APLP2: variants seen among roughly 807,000 people sequenced by gnomAD.
APLP2 encodes CDEI box-binding protein.
Under a neutral mutation model 89.9 loss-of-function variants are expected in APLP2, and 53 were observed. The observed-to-expected ratio is 0.59, with a 90% CI of 0.47 to 0.74. The LOEUF is 0.74. APLP2 is among the 30% of genes least tolerant of loss of function. The probability of loss-of-function intolerance (pLI) is 0.00; values close to 1 mark genes in which losing one functional copy is unlikely to be tolerated. For missense variants in APLP2, 973 were observed against 975.9 expected, an observed-to-expected ratio of 1.00 and a Z score of 0.04; for synonymous variants, 372 against 348.6, an observed-to-expected ratio of 1.07 and a Z score of -0.75.
At chr11:130,118,490 T>A (rs1949470063) in intron 3 of APLP2, among the ~76,000 whole-genome samples, 1 of 152,192 alleles carries the variant, frequency 6.6e-6, no homozygotes, top group Non-Finnish European at 1.5e-5. Context: ...GTGCTGAGAT[T>A]GAACCCTAGC....
chr11:130,082,089 T>C (rs1332673461), intron 1 of APLP2, among the ~76,000 whole-genome samples: 1 of 152,246 alleles, frequency 6.6e-6, no homozygotes, highest in Non-Finnish European at 1.5e-5. Context: ...AGAAACTTCT[T>C]CTGTTGGAGA....
At chr11:130,127,078 T>TA (rs2136003562) in intron 8 of APLP2, among the ~76,000 whole-genome samples, 1 of 151,908 alleles carries the variant, frequency 6.6e-6, no homozygotes, top group Non-Finnish European at 1.5e-5. Context: ...TTTTTTTTTT[T>TA]TTTGCCATTA....
intron 1 of APLP2, among the ~76,000 whole-genome samples, chr11:130,075,911 CA>C (rs11349245): frequency 0.039 from 5,969 of 152,210 alleles, 383 homozygotes; most frequent in African/African-American, 0.13. Context: ...TAATTTCATA[CA>C]AGTTGTGATA....
intron 1 of APLP2, among the ~76,000 whole-genome samples, chr11:130,105,427 G>A (rs1947548185): frequency 4.6e-5 from 7 of 152,116 alleles, no homozygotes; most frequent in Admixed American, 4.6e-4. Flanking sequence ...AAAAAAAAGG[G>A]TGGGGGCATC....
chr11:130,135,774 T>C (rs2136096420), intron 13 of APLP2, 59 bp downstream of exon 13: 1 of 1,594,836 alleles, frequency 6.3e-7, no homozygotes, highest in Admixed American at 1.7e-5. Flanking sequence ...ATGAGAGAAT[T>C]GAAGTCAGTT....
intron 1 of APLP2, among the ~76,000 whole-genome samples, chr11:130,073,223 A>T (rs1396607745): frequency 2.0e-5 from 3 of 152,232 alleles, no homozygotes; most frequent in Non-Finnish European, 4.4e-5. Context: ...TGTATTGACT[A>T]AATTGAAACA....
rs1433634925 is a variant in APLP2 at position 130,073,831 on chromosome 11, C to A, written c.105+3749C>A. Among the ~76,000 whole-genome samples the A allele has an allele frequency of 2.0e-5, 3 of 152,080 alleles. No individual in the cohort carries two copies. In the East Asian group the frequency reaches 5.8e-4, roughly 29 times the overall value. On this transcript the variant is annotated intron_variant, in intron 1 of 16. Coordinates refer to ENST00000338167, the MANE Select transcript of APLP2 (RefSeq NM_001142276.2). The stretch of plus-strand genomic sequence containing the variant: ...TGGGCAACAGAGCGAGACTCCATCT[C>A]AAGAAAACAAGAATAAAAAAAAGAA...
At chr11:130,121,116 G>T (rs150010457) in intron 4 of APLP2, among the ~76,000 whole-genome samples, 51 of 152,274 alleles carry the variant, frequency 3.3e-4, no homozygotes, top group African/African-American at 1.2e-3. Context: ...CCCTAAGGCC[G>T]GCATGGAAAT....
At chr11:130,138,129 C>T (rs1469132899) in intron 13 of APLP2, among the ~76,000 whole-genome samples, 2 of 152,174 alleles carry the variant, frequency 1.3e-5, no homozygotes, top group African/African-American at 4.8e-5. Context: ...GTGGGTGGCC[C>T]AGTCATTGTG....
chr11:130,073,143 A>G (rs1197432447), intron 1 of APLP2, among the ~76,000 whole-genome samples: 1 of 152,218 alleles, frequency 6.6e-6, no homozygotes, highest in Non-Finnish European at 1.5e-5. Context: ...CTGAATTGAG[A>G]TGTACTGGAA....
chr11:130,135,625 C>T lies in APLP2; in HGVS notation c.1747C>T (p.Pro583Ser). The change falls in exon 13 of 17, where the codon CCT becomes TCT. Residue 583 changes from proline (P) to serine (S), a missense_variant. Pro to Ser is a moderately conservative substitution (Grantham distance 74, BLOSUM62 -1). Transcript: ENST00000338167. The stretch of plus-strand genomic sequence containing the variant: ...GTTCACTGCCTCAATCTCAGAGACC[C>T]CTGTGGACGTCCGGGTGAGCTCTGA... ...DQFTASISETPVDVRVSSEES... is the reference protein window; with the variant it reads ...DQFTASISETSVDVRVSSEES... 5 of 1,614,154 alleles carry T rather than the reference C, an allele frequency of 3.1e-6. No homozygotes were observed. Among genetic ancestry groups the T allele is most frequent in the Non-Finnish European group, 4.2e-6 (5 of 1,180,020 alleles).
At chr11:130,111,255 G>C (rs73585118) in intron 3 of APLP2, among the ~76,000 whole-genome samples, 8,843 of 152,156 alleles carry the variant, frequency 0.058, 667 homozygotes, top group East Asian at 0.24. Flanking sequence ...TGCAGAAACA[G>C]AGTTGTTGCT....
rs1166476431 is a variant in APLP2 at position 130,123,745 on chromosome 11, TG to T, written c.1057del (p.Glu353ArgfsTer11). 2 of 1,614,254 alleles carry T rather than the reference TG, an allele frequency of 1.2e-6. No homozygotes were observed. Among genetic ancestry groups the T allele is most frequent in the Non-Finnish European group, 1.7e-6 (2 of 1,180,038 alleles). On this transcript the variant is annotated frameshift_variant, in exon 7 of 17. Transcript: ENST00000338167. LOFTEE classifies it high-confidence loss of function. The surrounding 1 kb of genome is among the most constrained non-coding windows in gnomAD (Gnocchi z 4.0). Reference protein sequence around the residue: ...CGGNRNNFESEDYCMAVCKAM... With the variant: ...CGGNRNNFESXDYCMAVCKAM... ...GCGGCAACAGGAACAATTTTGAGTCTGAGGATTATTGTATGGCTGTGTGTAA... is the reference window on the plus strand; with the variant it reads ...GCGGCAACAGGAACAATTTTGAGTCTAGGATTATTGTATGGCTGTGTGTAA...
At chr11:130,089,501 G>C (rs552855845) in intron 1 of APLP2, among the ~76,000 whole-genome samples, 1 of 152,240 alleles carries the variant, frequency 6.6e-6, no homozygotes, top group East Asian at 1.9e-4. Context: ...CATTCACAGC[G>C]TGCACCTTAC....
intron 6 of APLP2, among the ~76,000 whole-genome samples, chr11:130,122,758 C>G: frequency 6.6e-6 from 1 of 152,160 alleles, no homozygotes; most frequent in East Asian, 1.9e-4. Flanking sequence ...GTAAGAGAGA[C>G]AACGTAGTCC....
In APLP2 at chr11:130,143,684, T is replaced by A. The variant is rs770850763; in HGVS notation, c.*236T>A. On this transcript the variant is annotated 3_prime_UTR_variant, in exon 17 of 17. Coordinates refer to ENST00000338167, the MANE Select transcript of APLP2 (RefSeq NM_001142276.2). ...TATAAACCTTAAATGAAAAAAATGA[T>A]CTATTGCAGATATTTGATGTAGTTT... is the stretch of plus-strand genomic sequence containing the variant. 1.2e-5 allele frequency: 5 copies of A among 429,574 alleles called. No individual in the cohort carries two copies. Among genetic ancestry groups the A allele is most frequent in the Admixed American group, 3.8e-5 (1 of 26,174 alleles). 26.6% of individuals were successfully genotyped at this position (429,574 alleles called of 1,614,324 possible).
chr11:130,124,537 C>T (rs1036405125), intron 7 of APLP2, among the ~76,000 whole-genome samples: 1 of 152,206 alleles, frequency 6.6e-6, no homozygotes, highest in Non-Finnish European at 1.5e-5. Context: ...CCTTCAGTCT[C>T]TCACCTTGCA....
In APLP2 at chr11:130,123,753, A is replaced by G. The variant is rs1319615568; in HGVS notation, c.1064A>G (p.Tyr355Cys). ...AGGAACAATTTTGAGTCTGAGGATTATTGTATGGCTGTGTGTAAAGCGATG... is the reference window on the plus strand; with the variant it reads ...AGGAACAATTTTGAGTCTGAGGATTGTTGTATGGCTGTGTGTAAAGCGATG... ...GNRNNFESED[Y>C]CMAVCKAMIP... is the part of the protein sequence containing the mutation. The change falls in exon 7 of 17, where the codon TAT becomes TGT. Residue 355 changes from tyrosine to cysteine, a missense_variant. By Grantham distance (194) the Tyr-to-Cys change is radical. Transcript: ENST00000338167. The surrounding 1 kb of genome is among the most constrained non-coding windows in gnomAD (Gnocchi z 4.0). 3.3e-5 allele frequency: 54 copies of G among 1,614,204 alleles called. No individual in the cohort carries two copies. Among genetic ancestry groups the G allele is most frequent in the Non-Finnish European group, 4.6e-5 (54 of 1,180,040 alleles).
intron 10 of APLP2, among the ~76,000 whole-genome samples, 164 bp downstream of exon 10, chr11:130,129,370 G>A (rs745423767): frequency 4.6e-5 from 7 of 152,202 alleles, no homozygotes; most frequent in Non-Finnish European, 8.8e-5. Context: ...TAATATCTGT[G>A]TATATAAGCT....
Sources: allele counts gnomAD v4.1 joint callset (sites outside exome capture counted in the v4.1 genomes callset), GRCh38; gene constraint gnomAD v4.1.1; non-coding constraint Gnocchi (gnomAD v3.1); transcripts MANE v1.5; gene names NCBI Gene and HGNC (gene_info 2026-07-23, HGNC 2026-07-21).